The following ACTL8 variants were observed in gnomAD, a reference collection of about 807,000 sequenced individuals.
ACTL8 encodes actin like 8.
A neutral mutation model predicts 9.3 loss-of-function variants in ACTL8; 3 were observed. The observed-to-expected ratio is 0.32, with a 90% CI of 0.15 to 0.83. ACTL8 has a LOEUF of 0.83. ACTL8 is among the 40% of genes least tolerant of loss of function. ACTL8 has a pLI of 0.57. For synonymous variants in ACTL8, 224 were observed against 205.9 expected, an observed-to-expected ratio of 1.09 and a Z score of -0.75; for missense variants, 381 against 492.2, an observed-to-expected ratio of 0.77 and a Z score of 2.14.
intron 1 of ACTL8, among the ~76,000 whole-genome samples, chr1:17,783,335 G>GTTTTTTTT (rs56666980): frequency 7.2e-6 from 1 of 139,204 alleles, no homozygotes; most frequent in African/African-American, 2.8e-5. Flanking sequence ...AAAAAGAGGA[G>GTTTTTTTT]TTTTTTTTTT....
chr1:17,820,742 T>C (rs1446655727), intron 1 of ACTL8, among the ~76,000 whole-genome samples: 3 of 152,030 alleles, frequency 2.0e-5, no homozygotes, highest in African/African-American at 7.2e-5. Flanking sequence ...TAATTTTTTT[T>C]GTTTTTGTAT....
At chr1:17,783,674 C>T (rs948283461) in intron 1 of ACTL8, among the ~76,000 whole-genome samples, 19 of 152,220 alleles carry the variant, frequency 1.2e-4, no homozygotes, top group Non-Finnish European at 2.6e-4. Flanking sequence ...GGTCGTCGGG[C>T]TGGAGATGTC....
rs1297495590 is a variant in ACTL8, at chr1:17,776,575, C to T, written c.-25+21071C>T. The stretch of plus-strand genomic sequence containing the variant: ...TGTGAAGCTGAGTCTGCTTCCGTTC[C>T]ACTCTGCCGTCGTCCCTTCTTCCTG... On this transcript the variant is annotated intron_variant, in intron 1 of 2. Coordinates refer to ENST00000375406, the MANE Select transcript of ACTL8 (RefSeq NM_030812.3). 4.6e-5 allele frequency among the ~76,000 whole-genome samples: 7 copies of T among 152,164 alleles called. No individual in the cohort carries two copies. In the East Asian group the frequency reaches 1.2e-3, roughly 25 times the overall value.
chr1:17,784,747 A>G (rs1300097296), intron 1 of ACTL8, among the ~76,000 whole-genome samples: 1 of 152,214 alleles, frequency 6.6e-6, no homozygotes, highest in African/African-American at 2.4e-5. Flanking sequence ...CTGAGGCTCA[A>G]GAGATAGCAT....
intron 1 of ACTL8, among the ~76,000 whole-genome samples, chr1:17,785,004 G>A (rs1432058253): frequency 1.3e-5 from 2 of 151,966 alleles, no homozygotes; most frequent in African/African-American, 4.8e-5. Flanking sequence ...AGCTTGGGCG[G>A]TAGAACTCCT....
At chr1:17,807,880 A>C (rs1164170090) in intron 1 of ACTL8, among the ~76,000 whole-genome samples, 1 of 152,150 alleles carries the variant, frequency 6.6e-6, no homozygotes, top group Non-Finnish European at 1.5e-5. Context: ...CATTAGGAGA[A>C]TTACCTAATG....
chr1:17,814,178 T>C (rs1008446569), intron 1 of ACTL8, among the ~76,000 whole-genome samples: 5 of 152,236 alleles, frequency 3.3e-5, no homozygotes. Flanking sequence ...GTAGTTGTAC[T>C]GTACCTTTTC....
Position 17,772,912 on chromosome 1 carries a change from G to GAA in ACTL8, c.-25+17417_-25+17418dup, listed in dbSNP as rs58426757. Among the ~76,000 whole-genome samples the GAA allele has an allele frequency of 7.4e-5, 11 of 148,322 alleles. No homozygotes were observed. In the East Asian group the frequency reaches 7.9e-4, roughly 11 times the overall value. On this transcript the variant is annotated intron_variant, in intron 1 of 2. Coordinates refer to ENST00000375406, the MANE Select transcript of ACTL8 (RefSeq NM_030812.3). Reference sequence around the variant, plus strand: ...CTCTTCCTTAGAGCAAAGAGGAAAGGAAAAAAAAAAGGATTGCCTGGAATT... The same window carrying GAA: ...CTCTTCCTTAGAGCAAAGAGGAAAGGAAAAAAAAAAAAGGATTGCCTGGAATT...
chr1:17,824,782 T>G (rs890615340), intron 2 of ACTL8, among the ~76,000 whole-genome samples: 4 of 152,172 alleles, frequency 2.6e-5, no homozygotes, highest in African/African-American at 9.7e-5. Flanking sequence ...CTGCTCTAAG[T>G]GAATAGGAAG....
intron 1 of ACTL8, among the ~76,000 whole-genome samples, chr1:17,810,283 C>T (rs1419163877): frequency 1.3e-5 from 2 of 152,194 alleles, no homozygotes; most frequent in East Asian, 3.8e-4. Context: ...TCACTAGTTA[C>T]TATCTTTTGA....
chr1:17,783,127 T>C (rs1034604945), intron 1 of ACTL8, among the ~76,000 whole-genome samples: 7 of 152,098 alleles, frequency 4.6e-5, no homozygotes, highest in Non-Finnish European at 8.8e-5. Flanking sequence ...GTCATACAAC[T>C]AGTAAGTAGC....
intron 1 of ACTL8, among the ~76,000 whole-genome samples, chr1:17,777,665 A>C (rs2066127111): frequency 6.6e-6 from 1 of 152,156 alleles, no homozygotes; most frequent in South Asian, 2.1e-4. Context: ...GATGGAAAAG[A>C]TTGGTGGTAT....
intron 1 of ACTL8, among the ~76,000 whole-genome samples, chr1:17,783,664 G>A (rs1028381664): frequency 2.0e-5 from 3 of 152,202 alleles, no homozygotes; most frequent in Admixed American, 6.5e-5. Flanking sequence ...GGAACTGCAC[G>A]GTCGTCGGGC....
At chr1:17,791,116 C>T (rs567891322) in intron 1 of ACTL8, among the ~76,000 whole-genome samples, 2 of 152,280 alleles carry the variant, frequency 1.3e-5, no homozygotes, top group African/African-American at 2.4e-5. Flanking sequence ...GGGCCGGGCT[C>T]CTGCCTACTC....
chr1:17,767,648 C>T lies in ACTL8; in HGVS notation c.-25+12144C>T, dbSNP rs1329581962. On this transcript the variant is annotated intron_variant, in intron 1 of 2. Coordinates refer to ENST00000375406, the MANE Select transcript of ACTL8 (RefSeq NM_030812.3). This position sits in a 1 kb window ranked among gnomAD's most constrained non-coding sequence, Gnocchi z 4.7. ...TGCTTTTTGGGTATTGACTGTAGAT[C>T]AGTGCTCACCATGTTTATCCTCCAT... Among the ~76,000 whole-genome samples the T allele has an allele frequency of 2.6e-5, 4 of 152,174 alleles. No homozygotes were observed. The highest frequency in any genetic ancestry group is 7.2e-5 in the African/African-American group (3 of 41,436).
chr1:17,805,448 C>T (rs191593639), intron 1 of ACTL8, among the ~76,000 whole-genome samples: 33 of 137,336 alleles, frequency 2.4e-4, no homozygotes, highest in African/African-American at 7.9e-4. Flanking sequence ...TGCAGTGGCG[C>T]GGTCTTGGGT....
intron 1 of ACTL8, among the ~76,000 whole-genome samples, chr1:17,796,184 G>GA (rs1446861435): frequency 6.6e-6 from 1 of 152,152 alleles, no homozygotes; most frequent in Non-Finnish European, 1.5e-5. Flanking sequence ...CTCAGACACG[G>GA]ACTCTGCTGG....
At chr1:17,785,491 C>G (rs116294068) in intron 1 of ACTL8, among the ~76,000 whole-genome samples, 1,718 of 152,304 alleles carry the variant, frequency 0.011, 13 homozygotes, top group Middle Eastern at 0.031. Flanking sequence ...GTTGTTGTGA[C>G]AATGAAATGA....
At chr1:17,811,098 A>G (rs74967850) in intron 1 of ACTL8, among the ~76,000 whole-genome samples, 3,874 of 152,312 alleles carry the variant, frequency 0.025, 187 homozygotes, top group African/African-American at 0.089. Flanking sequence ...TATTCCCACT[A>G]GCAGTGTATG....
Sources: allele counts gnomAD v4.1 joint callset (sites outside exome capture counted in the v4.1 genomes callset), GRCh38; gene constraint gnomAD v4.1.1; non-coding constraint Gnocchi (gnomAD v3.1); transcripts MANE v1.5; gene names NCBI Gene and HGNC (gene_info 2026-07-23, HGNC 2026-07-21).